Variants in PIKFYVE observed in about 807,000 individuals in gnomAD.
PIKFYVE encodes 1-phosphatidylinositol 3-phosphate 5-kinase.
A neutral mutation model predicts 257.9 loss-of-function variants in PIKFYVE; 122 were observed. That is an observed-to-expected ratio of 0.47 (90% confidence interval 0.41 to 0.55). The LOEUF (loss-of-function observed/expected upper bound fraction) is 0.55. Among genes scored for constraint, PIKFYVE ranks in the 20% least tolerant of loss-of-function variants. The pLI, the probability that PIKFYVE is intolerant of heterozygous loss-of-function variation, is 0.00. For synonymous variants in PIKFYVE, 892 were observed against 868.9 expected (o/e 1.03, Z -0.47); for missense variants, 2,160 against 2,536.6 (o/e 0.85, Z 3.19).
intron 13 of PIKFYVE, among the ~76,000 whole-genome samples, chr2:208,312,599 A>C (rs1161580320): frequency 6.6e-6 from 1 of 152,234 alleles, no homozygotes; most frequent in African/African-American, 2.4e-5. Context: ...TGTATTGTGA[A>C]TATAATATTA....
At chr2:208,322,954 TTTGTCC>T (rs1225702084) in intron 17 of PIKFYVE, among the ~76,000 whole-genome samples, 26 of 150,556 alleles carry the variant, frequency 1.7e-4, no homozygotes, top group Non-Finnish European at 3.5e-4. Flanking sequence ...TGTTTGGTTT[TTTGTCC>T]TTGTGATAGT....
At position 208,357,467 on chromosome 2, in the gene PIKFYVE, G is replaced by A. The variant is rs1164407095; in HGVS notation, c.*2162G>A. ...GCTTCTGACAATAATCTGTCCTGTTGATTTTGTTTTCCTTGCCCATGACTT... is the reference window on the plus strand; with the variant it reads ...GCTTCTGACAATAATCTGTCCTGTTAATTTTGTTTTCCTTGCCCATGACTT... On this transcript the variant is annotated 3_prime_UTR_variant, in exon 42 of 42. Coordinates refer to ENST00000264380, the MANE Select transcript of PIKFYVE (RefSeq NM_015040.4). 1 of 152,174 alleles carries A rather than the reference G, an allele frequency of 6.6e-6. No individual in the cohort carries two copies. The highest frequency in any genetic ancestry group is 6.5e-5 in the Admixed American group (1 of 15,276). 9.4% of individuals were successfully genotyped at this position (152,174 alleles called of 1,614,324 possible).
chr2:208,286,665 C>T lies in PIKFYVE; in HGVS notation c.821+732C>T, dbSNP rs140390016. On this transcript the variant is annotated intron_variant, in intron 6 of 41. Coordinates refer to ENST00000264380, the MANE Select transcript of PIKFYVE (RefSeq NM_015040.4). ...CCTCCTGAGTAGCTGGGACAACAGG[C>T]GCACACCACTGTGCTTGGCTGATTT... Among the ~76,000 whole-genome samples, 369 of 151,736 alleles carry T rather than the reference C, an allele frequency of 2.4e-3. 2 individuals carry two copies. Among genetic ancestry groups the T allele is most frequent in the Middle Eastern group, 6.9e-3 (2 of 290 alleles).
chr2:208,280,338 A>G (rs1690648080), intron 5 of PIKFYVE, among the ~76,000 whole-genome samples: 1 of 152,164 alleles, frequency 6.6e-6, no homozygotes, highest in Non-Finnish European at 1.5e-5. Flanking sequence ...AACTGGGGAA[A>G]TAACCATAGA....
rs138667896 is a variant in PIKFYVE at position 208,340,800 on chromosome 2, G to A, written c.4931+669G>A. Among the ~76,000 whole-genome samples the A allele has an allele frequency of 2.4e-3, 371 of 152,190 alleles. 2 individuals are homozygous for A. The highest frequency in any genetic ancestry group is 0.013 in the East Asian group (67 of 5,172). On this transcript the variant is annotated intron_variant, in intron 31 of 41. Coordinates refer to ENST00000264380, the MANE Select transcript of PIKFYVE (RefSeq NM_015040.4). Reference sequence around the variant, plus strand: ...CTGTGATGTAGAATAAGATTTGTAAGGAACTGTCATCACTCTTAGGAGCTC... The same window carrying A: ...CTGTGATGTAGAATAAGATTTGTAAAGAACTGTCATCACTCTTAGGAGCTC...
At chr2:208,277,464 G>T in intron 4 of PIKFYVE, 73 bp from the exon 5 acceptor site, 2 of 1,510,370 alleles carry the variant, frequency 1.3e-6, no homozygotes, top group South Asian at 2.3e-5. Context: ...AGAAACCTTT[G>T]AGGATTTCAT....
chr2:208,339,676 C>T, intron 30 of PIKFYVE, 121 bp downstream of exon 30: 1 of 1,311,538 alleles, frequency 7.6e-7, no homozygotes. Context: ...ATAACAGATT[C>T]ATGCCTTGCT....
At position 208,315,041 on chromosome 2, in the gene PIKFYVE, A is replaced by T. The variant is rs538982178; in HGVS notation, c.1827-152A>T. Reference sequence around the variant, plus strand: ...TATATGCAAAATCCTTAAGGTACAGATATAATGAAAGAATGATATTGACCT... The same window carrying T: ...TATATGCAAAATCCTTAAGGTACAGTTATAATGAAAGAATGATATTGACCT... On this transcript the variant is annotated intron_variant, in intron 14 of 41. Transcript: ENST00000264380. 2.0e-4 allele frequency: 153 copies of T among 750,918 alleles called. No homozygotes were observed. In the Middle Eastern group the frequency reaches 3.7e-3, roughly 18 times the overall value. The allele number at this position is 750,918 out of a possible 1,614,324, so 46.5% of individuals were successfully genotyped here.
At chr2:208,323,930 G>A (rs1696608204) in intron 17 of PIKFYVE, among the ~76,000 whole-genome samples, 1 of 147,588 alleles carries the variant, frequency 6.8e-6, no homozygotes, top group East Asian at 2.0e-4. Context: ...GTCTGTTCAT[G>A]TGCTTCGCCC....
At chr2:208,342,421 A>G (rs1441273031) in intron 31 of PIKFYVE, 133 bp from the exon 32 acceptor site, 4 of 693,868 alleles carry the variant, frequency 5.8e-6, no homozygotes, top group Admixed American at 5.6e-5. Flanking sequence ...AATTGCCTTC[A>G]AAAACTTTCT....
At chr2:208,321,822 C>T (rs932076833) in intron 17 of PIKFYVE, among the ~76,000 whole-genome samples, 15 of 152,002 alleles carry the variant, frequency 9.9e-5, no homozygotes, top group Non-Finnish European at 1.5e-4. Flanking sequence ...TCAGGTGATC[C>T]GCCCGAGGCG....
chr2:208,353,493 G>T (rs938658658), intron 39 of PIKFYVE, among the ~76,000 whole-genome samples: 13 of 151,682 alleles, frequency 8.6e-5, no homozygotes, highest in African/African-American at 3.1e-4. Flanking sequence ...GTAAGTAATT[G>T]TCCAGAGTTT....
chr2:208,339,314 C>G, intron 29 of PIKFYVE, 104 bp from the exon 30 acceptor site: 1 of 1,366,008 alleles, frequency 7.3e-7, no homozygotes, highest in African/African-American at 1.4e-5. Flanking sequence ...AGTAAAAATT[C>G]TACCTTTTAG....
intron 7 of PIKFYVE, among the ~76,000 whole-genome samples, chr2:208,290,215 G>A (rs528400019): frequency 6.6e-6 from 1 of 152,316 alleles, no homozygotes; most frequent in African/African-American, 2.4e-5. Context: ...ACGTGCGTCT[G>A]TCATTGTTGT....
rs1188111326 is a variant in PIKFYVE at position 208,338,504 on chromosome 2, A to G, written c.4612-4A>G. 5 of 1,610,534 alleles carry G rather than the reference A, an allele frequency of 3.1e-6. No homozygotes were observed. The highest frequency in any genetic ancestry group is 1.1e-5 in the South Asian group (1 of 90,980). On this transcript the variant is annotated splice_polypyrimidine_tract_variant and splice_region_variant and intron_variant, in intron 28 of 41. Transcript: ENST00000264380. ...ATAAGAACAAAGTATTTACTTCTCT[A>G]CAGATAAGTGCGATGGATGCATCTC...
chr2:208,267,478 C>G (rs1230399387), intron 1 of PIKFYVE, among the ~76,000 whole-genome samples: 2 of 145,626 alleles, frequency 1.4e-5, no homozygotes, highest in African/African-American at 5.0e-5. Flanking sequence ...CAATATTCAG[C>G]TTTCCTAAAT....
chr2:208,353,541 C>T (rs1423574665), intron 39 of PIKFYVE, among the ~76,000 whole-genome samples: 1 of 139,756 alleles, frequency 7.2e-6, no homozygotes, highest in Non-Finnish European at 1.5e-5. Context: ...ATTTGCATCT[C>T]TCTCTTTTTT....
rs1220896215 is a variant in PIKFYVE at position 208,276,939 on chromosome 2, C to A, written c.441+109C>A. 3.4e-5 allele frequency: 29 copies of A among 841,162 alleles called. 1 individual carries two copies. The East Asian group carries it at 7.0e-4, about 20-fold the overall frequency. 52.1% of individuals were successfully genotyped at this position (841,162 alleles called of 1,614,324 possible). A position where few individuals can be genotyped will look rare whatever the true frequency, so the allele number is the denominator to read the frequency against. On this transcript the variant is annotated intron_variant, in intron 4 of 41. Coordinates refer to ENST00000264380, the MANE Select transcript of PIKFYVE (RefSeq NM_015040.4). ...TGAAAGAAAGCTTAATTAGCGCTTC[C>A]TCCAGCTGTGAGCACCCTATTTTTA...
At position 208,301,015 on chromosome 2, in the gene PIKFYVE, T is replaced by A. The variant is rs897888955; in HGVS notation, c.1129T>A (p.Trp377Arg). Residue 377 changes from tryptophan to arginine, a missense_variant, in exon 9 of 42, where the codon TGG (tryptophan) becomes AGG (arginine). Trp to Arg is a moderately radical substitution (Grantham distance 101). This residue lies in a region of PIKFYVE where 90 missense variants were observed against 110.6 expected (regional missense o/e 0.81). Coordinates refer to ENST00000264380, the MANE Select transcript of PIKFYVE (RefSeq NM_015040.4). ...AATGGAGTTTCAGGATCACCGCTAC[T>A]GGTTGAGAACGCATCCCAACTGCAT... is the stretch of plus-strand genomic sequence containing the variant. ...SGMEFQDHRY[W>R]LRTHPNCIVG... 3 of 1,614,072 alleles carry A rather than the reference T, an allele frequency of 1.9e-6. No homozygotes were observed. Among genetic ancestry groups the A allele is most frequent in the Non-Finnish European group, 2.5e-6 (3 of 1,180,018 alleles).
Sources: allele counts gnomAD v4.1 joint callset (sites outside exome capture counted in the v4.1 genomes callset), GRCh38; gene constraint gnomAD v4.1.1; regional missense constraint gnomAD v4.1.1; transcripts MANE v1.5; gene names NCBI Gene and HGNC (gene_info 2026-07-23, HGNC 2026-07-21).